The following LINGO2 variants were observed in gnomAD, a reference collection of about 807,000 sequenced individuals.
The protein encoded by LINGO2 is leucine rich repeat and Ig domain containing 2, also known as leucine-rich repeat and immunoglobulin-like domain-containing nogo receptor-interacting protein 2.
LINGO2 carries 14 observed loss-of-function variants against 30.6 expected under a neutral mutation model. The ratio of observed to expected loss-of-function variants is 0.46; its 90% CI spans 0.30 to 0.72. The LOEUF is 0.72. Among genes scored for constraint, LINGO2 ranks in the 30% least tolerant of loss-of-function variants. The pLI is 0.07. For missense variants in LINGO2, 729 were observed against 751.7 expected (o/e 0.97, Z 0.35); for synonymous variants, 317 against 288.5 (o/e 1.10, Z -1.00).
rs375750884 is a variant in LINGO2 at position 28,575,432 on chromosome 9, C to CA, written c.-365+94767dup. ...ACAACAAAAAAAACAAAAAACAACA[C>CA]AAAAAAAACCACGTTTTCACTCATA... On this transcript the variant is annotated intron_variant, in intron 1 of 5. Transcript: ENST00000379992. Among the ~76,000 whole-genome samples, 1,480 of 149,644 alleles carry CA rather than the reference C, an allele frequency of 9.9e-3. 13 individuals are homozygous for CA. The highest frequency in any genetic ancestry group is 0.012 in the Non-Finnish European group (835 of 67,242).
At chr9:28,063,303 A>G (rs771236295) in intron 4 of LINGO2, among the ~76,000 whole-genome samples, 2 of 152,180 alleles carry the variant, frequency 1.3e-5, no homozygotes. Flanking sequence ...TTTCTGAAAC[A>G]ATATTAATTT....
At chr9:28,402,948 A>C (rs2134755346) in intron 2 of LINGO2, among the ~76,000 whole-genome samples, 1 of 152,286 alleles carries the variant, frequency 6.6e-6, no homozygotes, top group East Asian at 1.9e-4. Context: ...ACCACTTAAC[A>C]GTTGTAGTAT....
chr9:28,721,429 A>G, the LINGO2 span, among the ~76,000 whole-genome samples: 3 of 152,198 alleles, frequency 2.0e-5, no homozygotes, highest in African/African-American at 7.2e-5. Context: ...TCAATGATAG[A>G]CTGGATAAAG....
chr9:28,025,630 T>G (rs1296603189), intron 4 of LINGO2, among the ~76,000 whole-genome samples: 3 of 152,212 alleles, frequency 2.0e-5, no homozygotes, highest in Non-Finnish European at 2.9e-5. Context: ...GAAATTAAAT[T>G]GAAACTCTTG....
At chr9:27,954,839 G>T (rs1421236375) in intron 5 of LINGO2, among the ~76,000 whole-genome samples, 1 of 152,156 alleles carries the variant, frequency 6.6e-6, no homozygotes, top group Non-Finnish European at 1.5e-5. Context: ...GTTTACCATA[G>T]TGGCTGTAGT....
intron 1 of LINGO2, among the ~76,000 whole-genome samples, chr9:28,526,791 G>A (rs1225593232): frequency 6.6e-6 from 1 of 152,014 alleles, no homozygotes; most frequent in Non-Finnish European, 1.5e-5. Flanking sequence ...TTCCAACTAG[G>A]CTTATTTTGG....
At chr9:28,983,407 G>T in the LINGO2 span, among the ~76,000 whole-genome samples, 1 of 150,274 alleles carries the variant, frequency 6.7e-6, no homozygotes, top group African/African-American at 2.4e-5. Context: ...TGGTAAATAA[G>T]TTATATAATG....
At chr9:28,430,816 C>G (rs980502070) in intron 2 of LINGO2, among the ~76,000 whole-genome samples, 5 of 152,076 alleles carry the variant, frequency 3.3e-5, no homozygotes, top group African/African-American at 1.2e-4. Context: ...CAAGGTCTCT[C>G]ATTACATTGT....
intron 5 of LINGO2, among the ~76,000 whole-genome samples, chr9:27,953,402 A>G (rs1158557068): frequency 1.3e-5 from 2 of 152,218 alleles, no homozygotes; most frequent in Non-Finnish European, 2.9e-5. Flanking sequence ...TAAGTTATAA[A>G]GCAGCCATAC....
intron 2 of LINGO2, among the ~76,000 whole-genome samples, chr9:28,467,923 G>A (rs1825376776): frequency 6.6e-6 from 1 of 152,042 alleles, no homozygotes; most frequent in African/African-American, 2.4e-5. Context: ...TTCCAATGCT[G>A]AAATCATATA....
At chr9:29,106,426 G>A in the LINGO2 span, among the ~76,000 whole-genome samples, 14 of 152,164 alleles carry the variant, frequency 9.2e-5, 1 homozygote, top group Admixed American at 2.0e-4. Context: ...CAGAAATCAT[G>A]TTACTACCTC....
chr9:28,091,191 C>G (rs570078670), intron 4 of LINGO2, among the ~76,000 whole-genome samples: 186 of 152,164 alleles, frequency 1.2e-3, no homozygotes, highest in Non-Finnish European at 2.2e-3. Flanking sequence ...CAATGACTTT[C>G]TTCACAGAAT....
chr9:28,663,088 A>T (rs1235682179), intron 1 of LINGO2, among the ~76,000 whole-genome samples: 1 of 152,102 alleles, frequency 6.6e-6, no homozygotes, highest in Non-Finnish European at 1.5e-5. Flanking sequence ...AGACCAAAAA[A>T]AGTCATCTAA....
At chr9:28,402,547 C>A (rs1361534714) in intron 2 of LINGO2, among the ~76,000 whole-genome samples, 1 of 152,038 alleles carries the variant, frequency 6.6e-6, no homozygotes, top group Non-Finnish European at 1.5e-5. Flanking sequence ...CCTATCTTCT[C>A]TGCCCCACTT....
the LINGO2 span, among the ~76,000 whole-genome samples, chr9:28,769,489 TATATATATATATATATATATATATA>T: frequency 6.5e-4 from 4 of 6,196 alleles, no homozygotes; most frequent in East Asian, 0.018. Flanking sequence ...TATATATATA[TATATATATATATATATATATATATA>T]TATATTTTTT....
At chr9:28,418,552 C>T (rs565574010) in intron 2 of LINGO2, among the ~76,000 whole-genome samples, 4 of 152,198 alleles carry the variant, frequency 2.6e-5, no homozygotes, top group East Asian at 1.9e-4. Flanking sequence ...TTTGGGATTA[C>T]GGGTGTGAGC....
At chr9:28,341,747 A>G (rs1391917328) in intron 3 of LINGO2, among the ~76,000 whole-genome samples, 1 of 152,174 alleles carries the variant, frequency 6.6e-6, no homozygotes, top group Non-Finnish European at 1.5e-5. Flanking sequence ...CACACAGTAG[A>G]TAAGTATCCT....
chr9:28,334,975 T>TA (rs1375479189), intron 3 of LINGO2, among the ~76,000 whole-genome samples: 8 of 152,154 alleles, frequency 5.3e-5, no homozygotes, highest in African/African-American at 1.9e-4. Flanking sequence ...GCCAGTGAGA[T>TA]AGAGGCCAGG....
chr9:28,557,639 A>C (rs1166785003), intron 1 of LINGO2, among the ~76,000 whole-genome samples: 2 of 151,890 alleles, frequency 1.3e-5, no homozygotes, highest in East Asian at 3.9e-4. Context: ...CAGCCATCCC[A>C]TTACTGGGTA....
Sources: allele counts gnomAD v4.1 joint callset (sites outside exome capture counted in the v4.1 genomes callset), GRCh38; gene constraint gnomAD v4.1.1; transcripts MANE v1.5; gene names NCBI Gene and HGNC (gene_info 2026-07-23, HGNC 2026-07-21).